STPG1: variants seen among roughly 807,000 people sequenced by gnomAD.
The protein encoded by STPG1 is O(6)-methylguanine-induced apoptosis 2.
Under a neutral mutation model 40.1 loss-of-function variants are expected in STPG1, and 33 were observed. That is an observed-to-expected ratio of 0.82 (90% CI 0.62 to 1.10). The LOEUF (loss-of-function observed/expected upper bound fraction) is 1.10, where lower values mean the gene tolerates loss of function less well. Among genes scored for constraint, STPG1 ranks in the 50% least tolerant of loss-of-function variants. The probability of loss-of-function intolerance (pLI) is 0.00; values close to 1 mark genes in which losing one functional copy is unlikely to be tolerated. For synonymous variants in STPG1, 150 were observed against 155.0 expected (o/e 0.97, Z 0.24); for missense variants, 396 against 415.1 (o/e 0.95, Z 0.40).
intron 6 of STPG1, among the ~76,000 whole-genome samples, chr1:24,370,734 G>A (rs1044431713): frequency 4.0e-5 from 6 of 151,318 alleles, no homozygotes; most frequent in Admixed American, 6.6e-5. Context: ...CTCGTGATCC[G>A]CCTGCCTCGG....
Position 24,358,627 on chromosome 1 carries a change from G to C in STPG1, c.929-8C>G, listed in dbSNP as rs768030098. The C allele has an allele frequency of 1.2e-5, 19 of 1,606,858 alleles. No homozygotes were observed. The highest frequency in any genetic ancestry group is 1.4e-5 in the Non-Finnish European group (17 of 1,173,810). ...GCTCTGGCTTGTACGTAGCTGTGAG[G>C]GGACAGAGAGGCGGAGGCATTAAGA... is the stretch of plus-strand genomic sequence containing the variant. On this transcript the variant is annotated splice_polypyrimidine_tract_variant and splice_region_variant and intron_variant, in intron 8 of 8. Transcript: ENST00000337248.
At position 24,358,505 on chromosome 1, in the gene STPG1, C is replaced by G; in HGVS notation, c.*38G>C. 1 of 1,540,112 alleles carries G rather than the reference C, an allele frequency of 6.5e-7. No homozygotes were observed. The highest frequency in any genetic ancestry group is 2.2e-5 in the East Asian group (1 of 44,560). On this transcript the variant is annotated 3_prime_UTR_variant, in exon 9 of 9. Transcript: ENST00000337248. ...TCCTGGGGACGCTGGGCAGGGTGGG[C>G]TGGTGGCTGGAGTTCTCCTTGACCT...
At chr1:24,386,481 G>A (rs1444131020) in intron 3 of STPG1, among the ~76,000 whole-genome samples, 1 of 152,200 alleles carries the variant, frequency 6.6e-6, no homozygotes, top group East Asian at 1.9e-4. Context: ...GCTGCTGGTG[G>A]CTTGAAGTTG....
chr1:24,385,563 C>G (rs959695651), intron 3 of STPG1, among the ~76,000 whole-genome samples: 3 of 152,220 alleles, frequency 2.0e-5, no homozygotes, highest in African/African-American at 7.2e-5. Flanking sequence ...GTGCCATGCA[C>G]TGTTCTGAGG....
chr1:24,360,899 T>C lies in STPG1; in HGVS notation c.880A>G (p.Thr294Ala), dbSNP rs779308505. 1.2e-6 allele frequency: 2 copies of C among 1,608,990 alleles called. No individual in the cohort carries two copies. The highest frequency in any genetic ancestry group is 3.4e-5 in the Admixed American group (2 of 59,674). Residue 294 changes from threonine to alanine, a missense_variant, in exon 8 of 9, where the codon ACC becomes GCC. Coordinates refer to ENST00000337248, the MANE Select transcript of STPG1 (RefSeq NM_001199013.2). ...FISSASFVSN[T>A]SRWTAAPPQP... ...GGCGGCGCCGCTGTCCACCGGCTGGTATTGGACACGAATGATGCACTAGAG... is the reference window on the plus strand; with the variant it reads ...GGCGGCGCCGCTGTCCACCGGCTGGCATTGGACACGAATGATGCACTAGAG...
At position 24,369,090 on chromosome 1, in the gene STPG1, AG is replaced by A. The variant is rs1437006011; in HGVS notation, c.737+583del. Reference sequence around the variant, plus strand: ...CAGATGAGGGCATGGAGGCTCAGAGAGGTTAGAACTCTGCCCAAGGTCACAG... The same window carrying A: ...CAGATGAGGGCATGGAGGCTCAGAGAGTTAGAACTCTGCCCAAGGTCACAG... On this transcript the variant is annotated intron_variant, in intron 7 of 8. Transcript: ENST00000337248. The A allele has an allele frequency of 1.9e-5, 5 of 264,840 alleles. No individual in the cohort carries two copies. In the East Asian group the frequency reaches 5.4e-4, roughly 28 times the overall value. 16.4% of individuals were successfully genotyped at this position (264,840 alleles called of 1,614,324 possible).
chr1:24,383,941 G>A lies in STPG1; in HGVS notation c.252C>T (p.Val84=), dbSNP rs140572730. The stretch of plus-strand genomic sequence containing the variant: ...TGCAAGTTCCTTTCTTGGACAATGA[G>A]ACACTGTTGGACACCGGTGACTGGT... The part of the protein sequence containing the change: ...VIHQSPVSNS[V]SLSKKGTCMF... The change falls in exon 4 of 9, where the codon GTC becomes GTT. Residue 84 remains valine, a synonymous_variant. Transcript: ENST00000337248. The A allele has an allele frequency of 1.3e-5, 21 of 1,613,896 alleles. No individual in the cohort carries two copies. The highest frequency in any genetic ancestry group is 1.7e-5 in the Non-Finnish European group (20 of 1,179,852).
At position 24,390,861 on chromosome 1, in the gene STPG1, G is replaced by A. The variant is rs534628330; in HGVS notation, c.189+700C>T. ...GTCACCCAGGCTAGGGTACAGTTGC[G>A]CTATCTTGGTTCAATGCAGCCTCGA... On this transcript the variant is annotated intron_variant, in intron 3 of 8. Transcript: ENST00000337248. Among the ~76,000 whole-genome samples, 252 of 143,246 alleles carry A rather than the reference G, an allele frequency of 1.8e-3. 1 individual carries two copies. The highest frequency in any genetic ancestry group is 6.4e-3 in the African/African-American group (237 of 36,818). 94.0% of individuals were successfully genotyped at this position (143,246 alleles called of 152,430 possible). A position where few individuals can be genotyped will look rare whatever the true frequency, so the allele number is the denominator to read the frequency against.
In STPG1 at chr1:24,364,326, C is replaced by A. The variant is rs1218971934; in HGVS notation, c.738-3285G>T. The stretch of plus-strand genomic sequence containing the variant: ...AGAGGGACCTGGATTCAAATCCCAG[C>A]CCCACCACCGTCAACAGCCTGCACT... On this transcript the variant is annotated intron_variant, in intron 7 of 8. Transcript: ENST00000337248. The A allele has an allele frequency of 2.6e-6, 4 of 1,549,416 alleles. No homozygotes were observed. The South Asian group carries it at 4.8e-5, about 19-fold the overall frequency.
At chr1:24,387,299 G>A (rs1004551818) in intron 3 of STPG1, among the ~76,000 whole-genome samples, 3 of 152,206 alleles carry the variant, frequency 2.0e-5, no homozygotes, top group East Asian at 1.9e-4. Flanking sequence ...ATGGATGGAT[G>A]TGTGGTCGTG....
At chr1:24,397,486 T>G (rs1643053764) in intron 2 of STPG1, among the ~76,000 whole-genome samples, 1 of 152,116 alleles carries the variant, frequency 6.6e-6, no homozygotes, top group Admixed American at 6.5e-5. Context: ...AAAAGATCAC[T>G]AGAGGTCAGC....
At chr1:24,395,981 T>C in intron 2 of STPG1, among the ~76,000 whole-genome samples, 1 of 88,808 alleles carries the variant, frequency 1.1e-5, no homozygotes, top group Non-Finnish European at 2.5e-5. Context: ...AGGCTCCATC[T>C]CAAAAAAAAA....
At chr1:24,394,064 GTTCCTGGGTA>G (rs1407829704) in intron 2 of STPG1, among the ~76,000 whole-genome samples, 1 of 152,196 alleles carries the variant, frequency 6.6e-6, no homozygotes, top group Non-Finnish European at 1.5e-5. Context: ...CCCTGAGTAA[GTTCCTGGGTA>G]TTGACCAACA....
intron 6 of STPG1, among the ~76,000 whole-genome samples, chr1:24,372,171 C>T (rs1641781222): frequency 6.6e-6 from 1 of 152,108 alleles, no homozygotes; most frequent in Non-Finnish European, 1.5e-5. Flanking sequence ...GAGCAAGACT[C>T]CATCTCCAAA....
chr1:24,403,778 G>C (rs6661224), intron 1 of STPG1, among the ~76,000 whole-genome samples: 1 of 151,866 alleles, frequency 6.6e-6, no homozygotes, highest in Admixed American at 6.6e-5. Flanking sequence ...AGAAATATAA[G>C]TAATTTATAT....
intron 7 of STPG1, among the ~76,000 whole-genome samples, chr1:24,368,344 CTGACCCACTGTGGCTA>C (rs1641569123): frequency 6.6e-6 from 1 of 152,202 alleles, no homozygotes; most frequent in South Asian, 2.1e-4. Flanking sequence ...GCCTGGACTT[CTGACCCACTGTGGCTA>C]TGGCTCCTAA....
chr1:24,368,641 T>C (rs1244458969), intron 7 of STPG1: 1 of 152,244 alleles, frequency 6.6e-6, no homozygotes, highest in Non-Finnish European at 1.5e-5. Flanking sequence ...CTGTATTTAC[T>C]TTTAAAAATC....
In STPG1 at chr1:24,391,437, G is replaced by A. The variant is rs1557453582; in HGVS notation, c.189+124C>T. The A allele has an allele frequency of 1.1e-5, 6 of 567,342 alleles. No individual in the cohort carries two copies. In the East Asian group the frequency reaches 1.2e-4, roughly 12 times the overall value. The allele number at this position is 567,342 out of a possible 1,614,324, so 35.1% of individuals were successfully genotyped here. On this transcript the variant is annotated intron_variant, in intron 3 of 8. Transcript: ENST00000337248. ...TGCCCCTCAGTGGAGCTGGTGCCGC[G>A]GCTCCTGGGAGCACACTGCCCTCCA... is the stretch of plus-strand genomic sequence containing the variant.
At chr1:24,368,330 G>A (rs760018151) in intron 7 of STPG1, among the ~76,000 whole-genome samples, 1 of 152,158 alleles carries the variant, frequency 6.6e-6, no homozygotes, top group Non-Finnish European at 1.5e-5. Flanking sequence ...AGCCTCCCTG[G>A]GTTGCCTGGA....
Sources: allele counts gnomAD v4.1 joint callset (sites outside exome capture counted in the v4.1 genomes callset), GRCh38; gene constraint gnomAD v4.1.1; transcripts MANE v1.5; gene names NCBI Gene and HGNC (gene_info 2026-07-23, HGNC 2026-07-21).